BORCS5: variants seen among roughly 807,000 people sequenced by gnomAD.
The protein encoded by BORCS5 is BLOC-1 related complex subunit 5, also known as BLOC-1-related complex subunit 5.
BORCS5 carries 17 observed loss-of-function variants against 22.1 expected under a neutral mutation model. The observed-to-expected ratio is 0.77, with a 90% CI of 0.53 to 1.15. The LOEUF (loss-of-function observed/expected upper bound fraction) is 1.15, where lower values mean the gene tolerates loss of function less well. Ranked by LOEUF, BORCS5 falls within the 50% of genes most tolerant of loss-of-function variation. The probability of loss-of-function intolerance (pLI) is 0.00; values close to 1 mark genes in which losing one functional copy is unlikely to be tolerated. For missense variants in BORCS5, 247 were observed against 253.2 expected (o/e 0.98, Z 0.17); for synonymous variants, 117 against 99.8 (o/e 1.17, Z -1.03).
intron 2 of BORCS5, among the ~76,000 whole-genome samples, chr12:12,389,634 T>C (rs1292471085): frequency 2.0e-5 from 3 of 151,380 alleles, no homozygotes; most frequent in Non-Finnish European, 4.4e-5. Context: ...TCTTAAAAAA[T>C]TTATTTCGTT....
chr12:12,401,894 TA>T (rs548454938), intron 2 of BORCS5, among the ~76,000 whole-genome samples: 227 of 143,306 alleles, frequency 1.6e-3, no homozygotes, highest in Admixed American at 1.9e-3. Flanking sequence ...CTGTCTCTAC[TA>T]AAAAAAAAAA....
intron 2 of BORCS5, among the ~76,000 whole-genome samples, chr12:12,428,376 G>C (rs1440622675): frequency 6.6e-6 from 1 of 152,144 alleles, no homozygotes. Flanking sequence ...TGGATCTCTG[G>C]AATATTCAGT....
intron 2 of BORCS5, among the ~76,000 whole-genome samples, chr12:12,367,941 G>A (rs905449828): frequency 2.0e-5 from 3 of 152,080 alleles, no homozygotes; most frequent in African/African-American, 4.8e-5. Context: ...AACAGAAGAC[G>A]AACACTTTCT....
intron 2 of BORCS5, among the ~76,000 whole-genome samples, chr12:12,412,192 C>T (rs1247662337): frequency 6.6e-6 from 1 of 152,076 alleles, no homozygotes; most frequent in Non-Finnish European, 1.5e-5. Flanking sequence ...TGCATTGAAC[C>T]TGTAAATCAC....
At chr12:12,380,257 A>G (rs1863748158) in intron 2 of BORCS5, among the ~76,000 whole-genome samples, 1 of 150,740 alleles carries the variant, frequency 6.6e-6, no homozygotes, top group Admixed American at 6.6e-5. Flanking sequence ...ACAGACATGA[A>G]GTAAGCACCC....
At chr12:12,419,206 C>A (rs891577019) in intron 2 of BORCS5, among the ~76,000 whole-genome samples, 1 of 152,112 alleles carries the variant, frequency 6.6e-6, no homozygotes, top group African/African-American at 2.4e-5. Flanking sequence ...CTCCTCACTC[C>A]CTGACAGGCC....
chr12:12,440,545 G>A (rs7134787), intron 3 of BORCS5, among the ~76,000 whole-genome samples: 24,960 of 150,100 alleles, frequency 0.17, 3,090 homozygotes, highest in African/African-American at 0.35. Flanking sequence ...TATAACTAAA[G>A]TTCTGTAAGA....
rs142246830 is a variant in BORCS5 at position 12,422,953 on chromosome 12, G to A, written c.203-12675G>A. The stretch of plus-strand genomic sequence containing the variant: ...GGTTACAAAAGAGTTACGAACCATG[G>A]TTACAAAAACCCCTGTAAATACATG... On this transcript the variant is annotated intron_variant, in intron 2 of 3. Coordinates refer to ENST00000314565, the MANE Select transcript of BORCS5 (RefSeq NM_058169.6). 3.0e-3 allele frequency among the ~76,000 whole-genome samples: 448 copies of A among 150,700 alleles called. 2 individuals carry two copies. The highest frequency in any genetic ancestry group is 0.01 in the African/African-American group (425 of 41,334).
rs566860922 is a variant in BORCS5 at position 12,378,305 on chromosome 12, G to C, written c.202+16956G>C. On this transcript the variant is annotated intron_variant, in intron 2 of 3. Coordinates refer to ENST00000314565, the MANE Select transcript of BORCS5 (RefSeq NM_058169.6). Reference sequence around the variant, plus strand: ...GACAATCGCTTGAACCTGGGAGGCAGAGGTTGCAGTGAGCCAAGATCGTGC... The same window carrying C: ...GACAATCGCTTGAACCTGGGAGGCACAGGTTGCAGTGAGCCAAGATCGTGC... Among the ~76,000 whole-genome samples the C allele has an allele frequency of 3.8e-3, 584 of 152,352 alleles. 1 individual carries two copies. The highest frequency in any genetic ancestry group is 0.013 in the African/African-American group (556 of 41,588).
intron 2 of BORCS5, among the ~76,000 whole-genome samples, chr12:12,427,172 C>CTTTTTTT (rs869191667): frequency 3.6e-5 from 3 of 84,456 alleles, no homozygotes; most frequent in Non-Finnish European, 6.3e-5. Flanking sequence ...TCTTTCTTTT[C>CTTTTTTT]TTTTTTTTTT....
intron 1 of BORCS5, 124 bp from the exon 2 acceptor site, chr12:12,361,082 A>T (rs973209261): frequency 6.3e-6 from 6 of 953,610 alleles, no homozygotes; most frequent in Non-Finnish European, 9.6e-6. Flanking sequence ...CTGCCACCCC[A>T]ACCCCAACTG....
intron 3 of BORCS5, among the ~76,000 whole-genome samples, chr12:12,453,674 T>G (rs1336016664): frequency 1.3e-5 from 2 of 152,238 alleles, no homozygotes; most frequent in Non-Finnish European, 2.9e-5. Context: ...TATTTTATTA[T>G]TTTTTAAAAC....
At chr12:12,455,328 T>G (rs1471945588) in intron 3 of BORCS5, among the ~76,000 whole-genome samples, 4 of 152,162 alleles carry the variant, frequency 2.6e-5, no homozygotes. Context: ...ACTGACATCC[T>G]TGGGGAACAG....
chr12:12,388,946 C>T (rs1241806589), intron 2 of BORCS5, among the ~76,000 whole-genome samples: 1 of 150,998 alleles, frequency 6.6e-6, no homozygotes, highest in East Asian at 1.9e-4. Flanking sequence ...GCTACAGTTC[C>T]GAGGCCTATT....
rs895783273 is a variant in BORCS5 at position 12,462,519 on chromosome 12, G to A, written c.361-3027G>A. 7.2e-5 allele frequency among the ~76,000 whole-genome samples: 11 copies of A among 152,230 alleles called. No individual in the cohort carries two copies. The South Asian group carries it at 1.2e-3, about 17-fold the overall frequency. ...GACTCCTGAACTTGCAATCTTAACC[G>A]TTGTTTTATTGGTAGATGAATGGAT... On this transcript the variant is annotated intron_variant, in intron 3 of 3. Transcript: ENST00000314565.
chr12:12,431,917 C>G (rs948561823), intron 2 of BORCS5, among the ~76,000 whole-genome samples: 13 of 151,696 alleles, frequency 8.6e-5, no homozygotes, highest in Non-Finnish European at 2.9e-5. Context: ...TGGTCTTGAA[C>G]TCCTGACCTC....
intron 3 of BORCS5, among the ~76,000 whole-genome samples, chr12:12,440,069 A>G (rs1330141113): frequency 6.6e-6 from 1 of 152,218 alleles, no homozygotes. Flanking sequence ...TAGTGGAAGT[A>G]TATAACCGGG....
At chr12:12,372,763 T>C (rs996372495) in intron 2 of BORCS5, among the ~76,000 whole-genome samples, 2 of 152,034 alleles carry the variant, frequency 1.3e-5, no homozygotes, top group Admixed American at 6.6e-5. Flanking sequence ...CTTCAGAAAA[T>C]ATTTGGCCTA....
intron 2 of BORCS5, among the ~76,000 whole-genome samples, chr12:12,419,585 T>G (rs931604578): frequency 2.4e-4 from 37 of 152,280 alleles, no homozygotes; most frequent in African/African-American, 5.3e-4. Context: ...GGGTCAAATG[T>G]TATTTCTAGT....
Sources: allele counts gnomAD v4.1 joint callset (sites outside exome capture counted in the v4.1 genomes callset), GRCh38; gene constraint gnomAD v4.1.1; transcripts MANE v1.5; gene names NCBI Gene and HGNC (gene_info 2026-07-23, HGNC 2026-07-21).